The following MCTP2 variants were observed in gnomAD, a reference collection of about 807,000 sequenced individuals.
MCTP2 encodes the protein multiple C2 and transmembrane domain containing 2.
In MCTP2, 132 loss-of-function variants were observed where a neutral mutation model predicts 111.6. The observed-to-expected ratio is 1.18, with a 90% confidence interval of 1.03 to 1.37. MCTP2 has a LOEUF of 1.37. Among genes scored for constraint, MCTP2 ranks in the 40% most tolerant of loss-of-function variants. The pLI, the probability that MCTP2 is intolerant of heterozygous loss-of-function variation, is 0.00. For synonymous variants in MCTP2, 395 were observed against 387.7 expected, an observed-to-expected ratio of 1.02 and a Z score of -0.22; for missense variants, 1,183 against 1,067.9, an observed-to-expected ratio of 1.11 and a Z score of -1.50.
chr15:94,246,384 T>C (rs1044189715), intron 1 of MCTP2, among the ~76,000 whole-genome samples: 2 of 152,126 alleles, frequency 1.3e-5, no homozygotes, highest in African/African-American at 4.8e-5. Flanking sequence ...ACCTACCTTA[T>C]AGAGTTATGA....
chr15:94,290,010 A>G (rs1005739142), intron 1 of MCTP2, among the ~76,000 whole-genome samples: 1 of 152,206 alleles, frequency 6.6e-6, no homozygotes, highest in African/African-American at 2.4e-5. Flanking sequence ...GAAAGGGGTC[A>G]GGGAATGTGG....
chr15:94,315,571 C>A lies in MCTP2; in HGVS notation c.571C>A (p.Pro191Thr), dbSNP rs147741772. 1.6e-4 allele frequency: 265 copies of A among 1,614,182 alleles called. No homozygotes were observed. Among genetic ancestry groups the A allele is most frequent in the African/African-American group, 2.3e-4 (17 of 75,054 alleles). Reference sequence around the variant, plus strand: ...TGATGGCTTGAGTAACCTCCCCAGCCCTTTTGCGTACCTCCTCACCATACA... The same window carrying A: ...TGATGGCTTGAGTAACCTCCCCAGCACTTTTGCGTACCTCCTCACCATACA... ...ASDGLSNLPS[P>T]FAYLLTIHLK... The change falls in exon 4 of 23, where the codon CCT becomes ACT. Residue 191 changes from proline (P) to threonine (T), a missense_variant. Pro to Thr is a conservative substitution (Grantham distance 38). Transcript: ENST00000357742.
At chr15:94,379,184 T>A (rs2079957381) in intron 12 of MCTP2, among the ~76,000 whole-genome samples, 1 of 151,958 alleles carries the variant, frequency 6.6e-6, no homozygotes, top group South Asian at 2.1e-4. Flanking sequence ...TTACTCTGTG[T>A]GCAGGACCGG....
chr15:94,472,396 A>G (rs2152541889), intron 21 of MCTP2, among the ~76,000 whole-genome samples: 1 of 152,288 alleles, frequency 6.6e-6, no homozygotes, highest in South Asian at 2.1e-4. Flanking sequence ...ACAAAACAAA[A>G]AAACGAAAAA....
At chr15:94,466,789 T>C (rs1426202010) in intron 20 of MCTP2, among the ~76,000 whole-genome samples, 1 of 152,170 alleles carries the variant, frequency 6.6e-6, no homozygotes, top group Admixed American at 6.5e-5. Flanking sequence ...GTATTATATT[T>C]TTATTTTCAT....
intron 17 of MCTP2, among the ~76,000 whole-genome samples, chr15:94,416,725 A>G (rs996456162): frequency 6.6e-6 from 1 of 152,182 alleles, no homozygotes; most frequent in African/African-American, 2.4e-5. Flanking sequence ...TGCACAGAAA[A>G]TATAGTGCAG....
intron 19 of MCTP2, among the ~76,000 whole-genome samples, chr15:94,443,724 G>T (rs2083923617): frequency 6.6e-6 from 1 of 151,982 alleles, no homozygotes; most frequent in Non-Finnish European, 1.5e-5. Flanking sequence ...TGGACCAGAT[G>T]GTTTTGCCCA....
Position 94,435,708 on chromosome 15 carries a change from T to C in MCTP2, c.2086-4468T>C, listed in dbSNP as rs555397426. On this transcript the variant is annotated intron_variant, in intron 17 of 22. Coordinates refer to ENST00000357742, the MANE Select transcript of MCTP2 (RefSeq NM_001385001.1). Reference sequence around the variant, plus strand: ...GTGCAGTGGCGCGATCTCGGCTCACTGCAAGCTCCGCCTCCCGGGTTCACG... The same window carrying C: ...GTGCAGTGGCGCGATCTCGGCTCACCGCAAGCTCCGCCTCCCGGGTTCACG... Among the ~76,000 whole-genome samples, 6 of 132,132 alleles carry C rather than the reference T, an allele frequency of 4.5e-5. 1 individual carries two copies. In the South Asian group the frequency reaches 1.2e-3, roughly 25 times the overall value. 86.7% of individuals were successfully genotyped at this position (132,132 alleles called of 152,430 possible). A position where few individuals can be genotyped will look rare whatever the true frequency, so the allele number is the denominator to read the frequency against.
chr15:94,441,252 C>G (rs1047434402), intron 18 of MCTP2, among the ~76,000 whole-genome samples: 21 of 152,182 alleles, frequency 1.4e-4, no homozygotes, highest in African/African-American at 5.1e-4. Flanking sequence ...GGAAAAACCT[C>G]AGGCAATTTC....
chr15:94,247,836 T>A (rs536078963), intron 1 of MCTP2, among the ~76,000 whole-genome samples: 6 of 152,280 alleles, frequency 3.9e-5, no homozygotes, highest in African/African-American at 1.4e-4. Flanking sequence ...TTCTAGTAAA[T>A]ATTCAGTCAT....
intron 1 of MCTP2, among the ~76,000 whole-genome samples, chr15:94,297,301 G>A (rs779758132): frequency 7.2e-5 from 11 of 152,102 alleles, no homozygotes; most frequent in African/African-American, 2.4e-4. Flanking sequence ...CTGTAATTAC[G>A]TATTTACTGT....
intron 14 of MCTP2, among the ~76,000 whole-genome samples, chr15:94,395,414 A>T (rs1197176814): frequency 1.3e-5 from 2 of 152,208 alleles, no homozygotes; most frequent in Non-Finnish European, 2.9e-5. Flanking sequence ...CTCTAAAGCC[A>T]TTGATGGTTT....
intron 8 of MCTP2, 154 bp from the exon 9 acceptor site, chr15:94,355,983 C>T (rs1480049631): frequency 1.5e-6 from 2 of 1,306,910 alleles, no homozygotes; most frequent in Non-Finnish European, 1.9e-6. Flanking sequence ...ACTGTGACAG[C>T]AGGTTTGCAA....
At chr15:94,455,101 C>A (rs539503778) in intron 19 of MCTP2, among the ~76,000 whole-genome samples, 1 of 152,180 alleles carries the variant, frequency 6.6e-6, no homozygotes, top group Non-Finnish European at 1.5e-5. Context: ...GGATTGCAGG[C>A]GTGAGCCACC....
intron 17 of MCTP2, among the ~76,000 whole-genome samples, chr15:94,435,824 G>A (rs1023901743): frequency 6.7e-6 from 1 of 149,094 alleles, no homozygotes; most frequent in African/African-American, 2.4e-5. Flanking sequence ...GTAGAGACGG[G>A]GTTTCACCGT....
chr15:94,445,383 A>C (rs2084055210), intron 19 of MCTP2, among the ~76,000 whole-genome samples: 1 of 152,210 alleles, frequency 6.6e-6, no homozygotes, highest in South Asian at 2.1e-4. Context: ...TTCTAGAGGA[A>C]TAAATCTAAA....
chr15:94,234,573 C>T (rs578207565), intron 1 of MCTP2, among the ~76,000 whole-genome samples: 1 of 152,326 alleles, frequency 6.6e-6, no homozygotes, highest in Admixed American at 6.5e-5. Context: ...AGGACTCATG[C>T]TCCACTGAGC....
Position 94,340,222 on chromosome 15 carries a change from A to G in MCTP2, c.804A>G (p.Thr268=), listed in dbSNP as rs749190074. 4 of 1,613,072 alleles carry G rather than the reference A, an allele frequency of 2.5e-6. No individual in the cohort carries two copies. Among genetic ancestry groups the G allele is most frequent in the Middle Eastern group, 1.7e-4 (1 of 6,054 alleles). Residue 268 remains threonine, a synonymous_variant, in exon 6 of 23, where the codon ACA becomes ACG. Transcript: ENST00000357742. ...AGGTATATGATCGAGATTTAACCAC[A>G]TCTGATTTCATGGGTTCTGCATTTG... ...RVKVYDRDLT[T]SDFMGSAFVI...
At chr15:94,269,992 T>C (rs769564995) in intron 1 of MCTP2, among the ~76,000 whole-genome samples, 2 of 152,102 alleles carry the variant, frequency 1.3e-5, no homozygotes, top group Non-Finnish European at 2.9e-5. Flanking sequence ...CCAAGCAGAA[T>C]AAAATAACAG....
Sources: gnomAD v4.1 joint callset for allele counts (sites outside exome capture counted in the v4.1 genomes callset) on GRCh38, gnomAD v4.1.1 for gene constraint, MANE v1.5 for transcripts, NCBI Gene and HGNC (gene_info 2026-07-23, HGNC 2026-07-21) for gene names.